TPD52L1: variants seen among roughly 807,000 people sequenced by gnomAD.
The protein encoded by TPD52L1 is TPD52 like 1.
TPD52L1 carries 18 observed loss-of-function variants against 28.7 expected under a neutral mutation model. That is an observed-to-expected ratio of 0.63 (90% CI 0.43 to 0.93). TPD52L1 has a LOEUF of 0.93. Ranked by LOEUF, TPD52L1 falls within the 40% of genes least tolerant of loss-of-function variation. TPD52L1 has a pLI of 0.00. For synonymous variants in TPD52L1, 75 were observed against 88.8 expected (o/e 0.84, Z 0.88); for missense variants, 203 against 254.8 (o/e 0.80, Z 1.39).
chr6:125,257,319 A>C lies in TPD52L1; in HGVS notation c.486+161A>C. 1.1e-5 allele frequency: 6 copies of C among 569,768 alleles called. No individual in the cohort carries two copies. The South Asian group carries it at 1.6e-4, about 15-fold the overall frequency. 35.3% of individuals were successfully genotyped at this position (569,768 alleles called of 1,614,324 possible). On this transcript the variant is annotated intron_variant, in intron 6 of 6. Coordinates refer to ENST00000534000, the MANE Select transcript of TPD52L1 (RefSeq NM_003287.4). ...AATCTATGAATAAAACCACTATTGA[A>C]TAGTGTTACTATATCCTTAGAGTTG...
intron 1 of TPD52L1, among the ~76,000 whole-genome samples, chr6:125,190,527 C>T (rs1172424753): frequency 6.6e-6 from 1 of 152,072 alleles, no homozygotes; most frequent in Non-Finnish European, 1.5e-5. Context: ...TTTGGGATGA[C>T]TCAAAAACAT....
At chr6:125,194,482 G>A (rs1879271) in intron 1 of TPD52L1, among the ~76,000 whole-genome samples, 6,955 of 152,054 alleles carry the variant, frequency 0.046, 183 homozygotes, top group East Asian at 0.08. Flanking sequence ...GGAATTCAAC[G>A]TCCTCTATGA....
chr6:125,157,163 G>T (rs1289650346), intron 1 of TPD52L1, among the ~76,000 whole-genome samples: 1 of 152,194 alleles, frequency 6.6e-6, no homozygotes, highest in Admixed American at 6.5e-5. Flanking sequence ...ATTACCTAGA[G>T]TGGAGATGGC....
chr6:125,187,915 A>C (rs1384438919), intron 1 of TPD52L1, among the ~76,000 whole-genome samples: 1 of 149,962 alleles, frequency 6.7e-6, no homozygotes, highest in Non-Finnish European at 1.5e-5. Flanking sequence ...AAACACTGGG[A>C]AACTAAACTG....
At chr6:125,204,726 A>G (rs1337192093) in intron 1 of TPD52L1, among the ~76,000 whole-genome samples, 2 of 152,048 alleles carry the variant, frequency 1.3e-5, no homozygotes, top group Non-Finnish European at 2.9e-5. Flanking sequence ...TGATCCGCCC[A>G]CCTCGGCCTC....
At chr6:125,172,153 TTTCTTTTCTTTCTTTCTTTC>T (rs1562211495) in intron 1 of TPD52L1, among the ~76,000 whole-genome samples, 177 of 58,924 alleles carry the variant, frequency 3.0e-3, no homozygotes, top group Non-Finnish European at 4.0e-3. Context: ...TCTTTCTTTC[TTTCTTTTCTTTCTTTCTTTC>T]TTTCTTTCTT....
At chr6:125,217,682 A>G (rs1453732143) in intron 1 of TPD52L1, among the ~76,000 whole-genome samples, 1 of 151,976 alleles carries the variant, frequency 6.6e-6, no homozygotes, top group Admixed American at 6.6e-5. Context: ...GGAGTTGGGG[A>G]CCTCTGCCCT....
intron 6 of TPD52L1, chr6:125,259,901 A>G (rs1797813968): frequency 6.6e-6 from 1 of 152,238 alleles, no homozygotes; most frequent in Non-Finnish European, 1.5e-5. Flanking sequence ...TATCATTCAC[A>G]TCTTTGCTTA....
At chr6:125,203,388 T>C (rs1181766148) in intron 1 of TPD52L1, among the ~76,000 whole-genome samples, 2 of 152,206 alleles carry the variant, frequency 1.3e-5, no homozygotes, top group Admixed American at 1.3e-4. Context: ...GGTGTTTTTT[T>C]CTTGCTTGCA....
chr6:125,218,755 A>T (rs1435052003), intron 1 of TPD52L1, among the ~76,000 whole-genome samples: 1 of 152,198 alleles, frequency 6.6e-6, no homozygotes, highest in African/African-American at 2.4e-5. Context: ...TTTTCTATAG[A>T]GATAACTGTT....
chr6:125,154,430 G>T (rs1263776343), intron 1 of TPD52L1: 3 of 988,408 alleles, frequency 3.0e-6, no homozygotes, highest in Non-Finnish European at 3.6e-6. Flanking sequence ...CCGCCGAGGG[G>T]GTGGCTCCGC....
chr6:125,234,190 G>C (rs1459565496), intron 3 of TPD52L1, among the ~76,000 whole-genome samples: 1 of 152,174 alleles, frequency 6.6e-6, no homozygotes, highest in Non-Finnish European at 1.5e-5. Context: ...TGCCATTGCT[G>C]CCAAAGAAAG....
At chr6:125,212,422 A>T (rs762441889) in intron 1 of TPD52L1, among the ~76,000 whole-genome samples, 1 of 152,226 alleles carries the variant, frequency 6.6e-6, no homozygotes, top group African/African-American at 2.4e-5. Flanking sequence ...ATCCAAAATC[A>T]TAGTTTGTAA....
chr6:125,154,504 C>T (rs1789983118), intron 1 of TPD52L1: 2 of 984,650 alleles, frequency 2.0e-6, no homozygotes, highest in Admixed American at 6.2e-5. Flanking sequence ...TGAACGTTAC[C>T]GGCCCCCTGA....
chr6:125,261,717 A>AT lies in TPD52L1; in HGVS notation c.487-1112dup, dbSNP rs34016336. 2.6e-5 allele frequency: 4 copies of AT among 151,086 alleles called. No individual in the cohort carries two copies. The East Asian group carries it at 5.8e-4, about 22-fold the overall frequency. The allele number at this position is 151,086 out of a possible 1,614,324, so 9.4% of individuals were successfully genotyped here. On this transcript the variant is annotated intron_variant, in intron 6 of 6. Coordinates refer to ENST00000534000, the MANE Select transcript of TPD52L1 (RefSeq NM_003287.4). Reference sequence around the variant, plus strand: ...ATTAGGAAGCCAGTTTTAATAAGGGATTTTTAGCAGTTTTAATAAGGAATT... The same window carrying AT: ...ATTAGGAAGCCAGTTTTAATAAGGGATTTTTTAGCAGTTTTAATAAGGAATT...
intron 1 of TPD52L1, among the ~76,000 whole-genome samples, chr6:125,198,787 C>T (rs924636542): frequency 4.6e-5 from 7 of 152,042 alleles, no homozygotes; most frequent in African/African-American, 1.4e-4. Context: ...GGCAATGTCT[C>T]GAGACAGTGC....
chr6:125,262,628 A>G lies in TPD52L1; in HGVS notation c.487-206A>G, dbSNP rs1402066937. ...AGGGTTGCTAAAAGTGTGCAAAATT[A>G]AAGTTTGGAATCCTATCCGAGAACC... is the stretch of plus-strand genomic sequence containing the variant. On this transcript the variant is annotated intron_variant, in intron 6 of 6. Coordinates refer to ENST00000534000, the MANE Select transcript of TPD52L1 (RefSeq NM_003287.4). 7 of 586,460 alleles carry G rather than the reference A, an allele frequency of 1.2e-5. No individual in the cohort carries two copies. The African/African-American group carries it at 1.3e-4, about 11-fold the overall frequency. 36.3% of individuals were successfully genotyped at this position (586,460 alleles called of 1,614,324 possible). A position where few individuals can be genotyped will look rare whatever the true frequency, so the allele number is the denominator to read the frequency against.
At chr6:125,191,788 T>A (rs908880452) in intron 1 of TPD52L1, among the ~76,000 whole-genome samples, 1 of 152,186 alleles carries the variant, frequency 6.6e-6, no homozygotes, top group Non-Finnish European at 1.5e-5. Flanking sequence ...CTCTGTTTTT[T>A]CTCCCCCTCC....
At position 125,172,480 on chromosome 6, in the gene TPD52L1, T is replaced by G. The variant is rs868358132; in HGVS notation, c.19+18510T>G. ...GATTTTTGTGTGTGTGTGTGTGTGTTTTTTTTTTAGCAGCTATTTCCCTCT... is the reference window on the plus strand; with the variant it reads ...GATTTTTGTGTGTGTGTGTGTGTGTGTTTTTTTTAGCAGCTATTTCCCTCT... On this transcript the variant is annotated intron_variant, in intron 1 of 6. Transcript: ENST00000534000. Among the ~76,000 whole-genome samples, 261 of 107,300 alleles carry G rather than the reference T, an allele frequency of 2.4e-3. 2 individuals carry two copies. Among genetic ancestry groups the G allele is most frequent in the African/African-American group, 6.5e-3 (173 of 26,470 alleles). The allele number at this position is 107,300 out of a possible 152,430, so 70.4% of individuals were successfully genotyped here.
Sources: allele counts gnomAD v4.1 joint callset (sites outside exome capture counted in the v4.1 genomes callset), GRCh38; gene constraint gnomAD v4.1.1; transcripts MANE v1.5; gene names NCBI Gene and HGNC (gene_info 2026-07-23, HGNC 2026-07-21).